The following CFAP299 variants were observed in gnomAD, a reference collection of about 807,000 sequenced individuals.
CFAP299 encodes the protein cilia- and flagella-associated protein 299.
Under a neutral mutation model 27.0 loss-of-function variants are expected in CFAP299, and 21 were observed. The ratio of observed to expected loss-of-function variants is 0.78; its 90% confidence interval spans 0.55 to 1.12. The LOEUF (loss-of-function observed/expected upper bound fraction) is 1.12, where lower values mean the gene tolerates loss of function less well. Among genes scored for constraint, CFAP299 ranks in the 50% most tolerant of loss-of-function variants. The pLI, the probability that CFAP299 is intolerant of heterozygous loss-of-function variation, is 0.00. For missense variants in CFAP299, 310 were observed against 276.6 expected, an observed-to-expected ratio of 1.12 and a Z score of -0.86; for synonymous variants, 104 against 98.1, an observed-to-expected ratio of 1.06 and a Z score of -0.36.
intron 2 of CFAP299, among the ~76,000 whole-genome samples, chr4:80,458,307 C>T (rs919429782): frequency 5.3e-5 from 8 of 152,092 alleles, no homozygotes; most frequent in African/African-American, 9.7e-5. Context: ...AATCTAGTTC[C>T]GTGTCTGGGA....
intron 2 of CFAP299, among the ~76,000 whole-genome samples, chr4:80,393,429 C>G (rs1354078692): frequency 1.3e-5 from 2 of 151,542 alleles, no homozygotes; most frequent in Non-Finnish European, 3.0e-5. Flanking sequence ...CTTTCACATT[C>G]ACTCACCACT....
At chr4:80,440,764 G>C (rs1728321040) in intron 2 of CFAP299, among the ~76,000 whole-genome samples, 1 of 152,178 alleles carries the variant, frequency 6.6e-6, no homozygotes, top group African/African-American at 2.4e-5. Context: ...ACTCCTCCAA[G>C]CTAAAGGAGC....
At chr4:80,375,593 T>A (rs1210773441) in intron 2 of CFAP299, among the ~76,000 whole-genome samples, 5 of 152,170 alleles carry the variant, frequency 3.3e-5, no homozygotes, top group African/African-American at 4.8e-5. Flanking sequence ...CTCTCTGAAA[T>A]AAAGTCGAGA....
chr4:80,574,215 A>G (rs1038935995), intron 2 of CFAP299, among the ~76,000 whole-genome samples: 5 of 152,062 alleles, frequency 3.3e-5, no homozygotes, highest in African/African-American at 9.7e-5. Context: ...GTTTGTAGCT[A>G]TAGTAAATGG....
chr4:80,388,802 A>G (rs1293499657), intron 2 of CFAP299: 8 of 418,798 alleles, frequency 1.9e-5, no homozygotes, highest in Non-Finnish European at 3.4e-5. Flanking sequence ...CCTGCAAACA[A>G]TGATGTTTCT....
chr4:80,875,046 A>T (rs954834019), intron 4 of CFAP299, among the ~76,000 whole-genome samples: 4 of 152,200 alleles, frequency 2.6e-5, no homozygotes, highest in African/African-American at 9.7e-5. Flanking sequence ...TAATGCGACT[A>T]CTAGAAAATT....
chr4:80,553,414 AT>A (rs1261374108), intron 2 of CFAP299, among the ~76,000 whole-genome samples: 3 of 152,280 alleles, frequency 2.0e-5, no homozygotes, highest in Non-Finnish European at 4.4e-5. Context: ...ATTGATAGGC[AT>A]TTAGGTTGAT....
chr4:80,572,508 T>TTTTTTTTTTTG lies in CFAP299; in HGVS notation c.243-10575_243-10574insGTTTTTTTTTT, dbSNP rs1735633539. 5.8e-5 allele frequency among the ~76,000 whole-genome samples: 3 copies of TTTTTTTTTTTG among 51,968 alleles called. 1 individual carries two copies. The highest frequency in any genetic ancestry group is 1.0e-4 in the Non-Finnish European group (3 of 30,072). The allele number at this position is 51,968 out of a possible 152,430, so 34.1% of individuals were successfully genotyped here. A position where few individuals can be genotyped will look rare whatever the true frequency, so the allele number is the denominator to read the frequency against. On this transcript the variant is annotated intron_variant, in intron 2 of 5. Coordinates refer to ENST00000358105, the MANE Select transcript of CFAP299 (RefSeq NM_152770.3). The stretch of plus-strand genomic sequence containing the variant: ...GTTGTTGCACATGACTGGATCCCAG[T>TTTTTTTTTTTG]TTTTTTTTTTTTTTTTTTTTTTTTT...
In CFAP299 at chr4:80,732,062, GACACACAGAC is replaced by G. The variant is rs1373252388; in HGVS notation, c.334-137923_334-137914del. ...CCCTGCATTCATACACAGACACACA[GACACACAGAC>G]ACACACACACACACACACACACACA... On this transcript the variant is annotated intron_variant, in intron 3 of 5. Transcript: ENST00000358105. 3.3e-3 allele frequency among the ~76,000 whole-genome samples: 456 copies of G among 139,412 alleles called. 4 individuals carry two copies. Among genetic ancestry groups the G allele is most frequent in the African/African-American group, 0.011 (379 of 33,650 alleles). The allele number at this position is 139,412 out of a possible 152,430, so 91.5% of individuals were successfully genotyped here. A position where few individuals can be genotyped will look rare whatever the true frequency, so the allele number is the denominator to read the frequency against.
chr4:80,505,483 A>G (rs1004074748), intron 2 of CFAP299, among the ~76,000 whole-genome samples: 10 of 152,198 alleles, frequency 6.6e-5, no homozygotes, highest in Admixed American at 1.3e-4. Flanking sequence ...ATAACAACTG[A>G]AAAAAGGACT....
At chr4:80,570,437 T>G (rs1160169355) in intron 2 of CFAP299, among the ~76,000 whole-genome samples, 1 of 151,842 alleles carries the variant, frequency 6.6e-6, no homozygotes, top group Non-Finnish European at 1.5e-5. Context: ...ACAATATAAA[T>G]AACAATAATA....
At chr4:80,539,646 T>C (rs1422510729) in intron 2 of CFAP299, among the ~76,000 whole-genome samples, 1 of 152,176 alleles carries the variant, frequency 6.6e-6, no homozygotes, top group South Asian at 2.1e-4. Flanking sequence ...GGAGAATTTG[T>C]AATATGATTT....
intron 4 of CFAP299, among the ~76,000 whole-genome samples, chr4:80,887,401 A>C (rs1167761389): frequency 1.3e-5 from 2 of 152,284 alleles, no homozygotes; most frequent in East Asian, 3.9e-4. Context: ...CAGTGGAAAC[A>C]TTAGGGGCCA....
intron 3 of CFAP299, among the ~76,000 whole-genome samples, chr4:80,736,764 A>AG (rs1723910215): frequency 6.6e-6 from 1 of 152,210 alleles, no homozygotes; most frequent in African/African-American, 2.4e-5. Flanking sequence ...GTGATTCCTC[A>AG]GGGATCTAGA....
intron 3 of CFAP299, among the ~76,000 whole-genome samples, chr4:80,811,157 A>T (rs894469562): frequency 2.0e-5 from 3 of 152,114 alleles, no homozygotes; most frequent in Admixed American, 6.6e-5. Flanking sequence ...TTTTACCAAG[A>T]TATGTCTAAT....
chr4:80,499,517 C>A (rs1014600118), intron 2 of CFAP299, among the ~76,000 whole-genome samples: 1 of 151,884 alleles, frequency 6.6e-6, no homozygotes, highest in African/African-American at 2.4e-5. Context: ...CTAACATTTG[C>A]CTTGCTTATC....
intron 2 of CFAP299, among the ~76,000 whole-genome samples, chr4:80,556,275 T>C (rs942002242): frequency 1.3e-5 from 2 of 152,038 alleles, no homozygotes; most frequent in Admixed American, 1.3e-4. Flanking sequence ...AAGATTGAAC[T>C]GTAGCTGATT....
chr4:80,853,523 A>G (rs550786152), intron 3 of CFAP299, among the ~76,000 whole-genome samples: 1 of 152,338 alleles, frequency 6.6e-6, no homozygotes, highest in South Asian at 2.1e-4. Flanking sequence ...AGAGACCAAG[A>G]TTTTTAGATA....
At chr4:80,344,016 T>C (rs1722602480) in intron 1 of CFAP299, among the ~76,000 whole-genome samples, 1 of 152,080 alleles carries the variant, frequency 6.6e-6, no homozygotes, top group Admixed American at 6.6e-5. Flanking sequence ...GAGAAATTTG[T>C]AGCACTAAAT....
Sources: allele counts gnomAD v4.1 joint callset (sites outside exome capture counted in the v4.1 genomes callset), GRCh38; gene constraint gnomAD v4.1.1; transcripts MANE v1.5; gene names NCBI Gene and HGNC (gene_info 2026-07-23, HGNC 2026-07-21).